The following DNAH8 variants were observed in gnomAD, a reference collection of about 807,000 sequenced individuals.
The protein encoded by DNAH8 is dynein axonemal heavy chain 8, also known as axonemal beta dynein heavy chain 8.
A neutral mutation model predicts 562.1 loss-of-function variants in DNAH8; 382 were observed. The observed-to-expected ratio is 0.68, with a 90% CI of 0.63 to 0.74. The LOEUF (loss-of-function observed/expected upper bound fraction) is 0.74, where lower values mean the gene tolerates loss of function less well. Ranked by LOEUF, DNAH8 falls within the 30% of genes least tolerant of loss-of-function variation. DNAH8 has a pLI of 0.00. For synonymous variants in DNAH8, 1,881 were observed against 1,919.4 expected (o/e 0.98, Z 0.52); for missense variants, 5,203 against 5,620.4 (o/e 0.93, Z 2.37).
rs1180142033 is a variant in DNAH8 at position 38,926,142 on chromosome 6, C to T, written c.11050C>T (p.Leu3684Phe). The change falls in exon 74 of 93, where the codon CTC becomes TTC. Residue 3684 changes from leucine to phenylalanine, a missense_variant. Leu to Phe is a conservative substitution (Grantham distance 22). Coordinates refer to ENST00000327475, the MANE Select transcript of DNAH8 (RefSeq NM_001206927.2). ...TGTGACAAAGGCCACCAGATACCCACTCCTCATAGACCCACAAACTCAAGG... is the reference window on the plus strand; with the variant it reads ...TGTGACAAAGGCCACCAGATACCCATTCCTCATAGACCCACAAACTCAAGG... ...IIVTKATRYP[L>F]LIDPQTQGKT... 3.7e-6 allele frequency: 6 copies of T among 1,613,662 alleles called. No homozygotes were observed. In the Admixed American group the frequency reaches 1.0e-4, roughly 27 times the overall value.
intron 91 of DNAH8, among the ~76,000 whole-genome samples, chr6:39,019,797 T>A (rs930183156): frequency 6.6e-6 from 1 of 151,938 alleles, no homozygotes; most frequent in African/African-American, 2.4e-5. Context: ...GCTTAATGGG[T>A]CGCAGCAGAT....
intron 19 of DNAH8, 88 bp from the exon 20 acceptor site, chr6:38,790,201 A>G (rs567257144): frequency 1.3e-6 from 1 of 787,202 alleles, no homozygotes; most frequent in African/African-American, 1.8e-5. Flanking sequence ...AAAATATAAC[A>G]TATAATATTT....
chr6:38,922,365 C>T (rs1410725444), intron 71 of DNAH8, among the ~76,000 whole-genome samples: 2 of 151,878 alleles, frequency 1.3e-5, no homozygotes, highest in South Asian at 2.1e-4. Flanking sequence ...TCCAATGTAA[C>T]GTCACTGAGC....
chr6:38,757,508 A>G (rs1766035799), intron 10 of DNAH8, among the ~76,000 whole-genome samples: 1 of 152,136 alleles, frequency 6.6e-6, no homozygotes, highest in African/African-American at 2.4e-5. Flanking sequence ...TTTGCTGTGC[A>G]GAAGCTCTTT....
intron 76 of DNAH8, among the ~76,000 whole-genome samples, 172 bp from the exon 77 acceptor site, chr6:38,935,420 C>A (rs1052549013): frequency 1.3e-5 from 2 of 152,130 alleles, no homozygotes; most frequent in African/African-American, 4.8e-5. Flanking sequence ...AAAATTTCCA[C>A]AGAAACAAAA....
At chr6:38,916,819 A>G (rs1036764410) in intron 68 of DNAH8, among the ~76,000 whole-genome samples, 1 of 152,172 alleles carries the variant, frequency 6.6e-6, no homozygotes, top group Non-Finnish European at 1.5e-5. Context: ...TCTCCTTCTA[A>G]TTCCTCTCCC....
intron 1 of DNAH8, among the ~76,000 whole-genome samples, chr6:38,721,057 A>G (rs1484194395): frequency 6.6e-6 from 1 of 152,198 alleles, no homozygotes; most frequent in Non-Finnish European, 1.5e-5. Context: ...ATGAAGATGA[A>G]CAAACTTATA....
chr6:38,933,160 T>A (rs1782688896), intron 76 of DNAH8, among the ~76,000 whole-genome samples: 1 of 152,102 alleles, frequency 6.6e-6, no homozygotes, highest in South Asian at 2.1e-4. Flanking sequence ...GGGTTTATTT[T>A]GAGATGATTC....
chr6:39,005,635 TTTC>T (rs1765750469), intron 88 of DNAH8, among the ~76,000 whole-genome samples: 1 of 152,252 alleles, frequency 6.6e-6, no homozygotes, highest in Non-Finnish European at 1.5e-5. Flanking sequence ...CCCATCTGTA[TTTC>T]TTCTTTGATG....
At chr6:38,759,313 AC>A (rs1766257137) in intron 10 of DNAH8, among the ~76,000 whole-genome samples, 1 of 101,222 alleles carries the variant, frequency 9.9e-6, no homozygotes, top group Non-Finnish European at 2.3e-5. Context: ...GTCTCAAAAA[AC>A]AAACAAACAA....
At chr6:38,823,844 A>G (rs1325093713) in intron 28 of DNAH8, among the ~76,000 whole-genome samples, 156 bp downstream of exon 28, 1 of 152,032 alleles carries the variant, frequency 6.6e-6, no homozygotes, top group Non-Finnish European at 1.5e-5. Context: ...TATTATACCA[A>G]GATATATTAT....
chr6:38,853,446 G>A (rs1775927886), intron 41 of DNAH8, 99 bp downstream of exon 41: 1 of 1,333,410 alleles, frequency 7.5e-7, no homozygotes. Flanking sequence ...GGCAATTGTA[G>A]CTTTGAATTA....
At chr6:38,779,856 A>G in intron 14 of DNAH8, 110 bp from the exon 15 acceptor site, 1 of 1,059,428 alleles carries the variant, frequency 9.4e-7, no homozygotes, top group Non-Finnish European at 1.4e-6. Context: ...ACAACGAATG[A>G]GGGCTGGTAT....
intron 1 of DNAH8, among the ~76,000 whole-genome samples, chr6:38,720,388 C>T (rs930012038): frequency 6.6e-6 from 1 of 152,126 alleles, no homozygotes; most frequent in Non-Finnish European, 1.5e-5. Flanking sequence ...GGAAGCTCAT[C>T]CCACAGTTCC....
Position 38,736,793 on chromosome 6 carries a change from G to A in DNAH8, c.763-274G>A, listed in dbSNP as rs535629120. ...GGTTTGGTTCCACGTCCCTCACCTT[G>A]AATAGGCTCCAGGCTATTGTTCCTT... is the stretch of plus-strand genomic sequence containing the variant. On this transcript the variant is annotated intron_variant, in intron 5 of 92. Transcript: ENST00000327475. Among the ~76,000 whole-genome samples the A allele has an allele frequency of 3.3e-5, 5 of 151,982 alleles. No individual in the cohort carries two copies. The East Asian group carries it at 9.7e-4, about 29-fold the overall frequency.
At position 39,021,985 on chromosome 6, in the gene DNAH8, G is replaced by A. The variant is rs918116170; in HGVS notation, c.13715-4561G>A. Among the ~76,000 whole-genome samples the A allele has an allele frequency of 9.9e-5, 15 of 152,220 alleles. 1 individual carries two copies. The highest frequency in any genetic ancestry group is 9.6e-4 in the East Asian group (5 of 5,198). Reference sequence around the variant, plus strand: ...TGATTGCACAAGTCAAACAACAGCCGTGAGTGTGTTGAACTGTTGGATTAC... The same window carrying A: ...TGATTGCACAAGTCAAACAACAGCCATGAGTGTGTTGAACTGTTGGATTAC... On this transcript the variant is annotated intron_variant, in intron 91 of 92. Coordinates refer to ENST00000327475, the MANE Select transcript of DNAH8 (RefSeq NM_001206927.2).
Position 38,779,993 on chromosome 6 carries a change from G to A in DNAH8, c.2067G>A (p.Leu689=), listed in dbSNP as rs1328808675. The change falls in exon 15 of 93, where the codon CTG becomes CTA. Residue 689 remains leucine, a synonymous_variant. Coordinates refer to ENST00000327475, the MANE Select transcript of DNAH8 (RefSeq NM_001206927.2). ...TTCAGAAGCTGAACATTCCCTGTCT[G>A]GGATTAGAAATAAACCACACAATAG... is the stretch of plus-strand genomic sequence containing the variant. ...QRFQKLNIPC[L]GLEINHTIER... The A allele has an allele frequency of 1.9e-6, 3 of 1,613,832 alleles. No individual in the cohort carries two copies. The highest frequency in any genetic ancestry group is 2.5e-6 in the Non-Finnish European group (3 of 1,179,968).
chr6:38,904,812 A>AT (rs1207907385), intron 62 of DNAH8, among the ~76,000 whole-genome samples: 2 of 151,072 alleles, frequency 1.3e-5, no homozygotes, highest in African/African-American at 4.9e-5. Context: ...AAAAAAAAAA[A>AT]GAAAGAATCT....
At chr6:38,971,033 C>T (rs1763303919) in intron 82 of DNAH8, among the ~76,000 whole-genome samples, 1 of 152,008 alleles carries the variant, frequency 6.6e-6, no homozygotes, top group Admixed American at 6.6e-5. Flanking sequence ...GACAGTTGCC[C>T]CTGAATGTAC....
Sources: gnomAD v4.1 joint callset for allele counts (sites outside exome capture counted in the v4.1 genomes callset) on GRCh38, gnomAD v4.1.1 for gene constraint, MANE v1.5 for transcripts, NCBI Gene and HGNC (gene_info 2026-07-23, HGNC 2026-07-21) for gene names.